Variants in NDE1 observed in about 807,000 individuals in gnomAD.
The protein encoded by NDE1 is nudE neurodevelopment protein 1.
NDE1 carries 28 observed loss-of-function variants against 43.4 expected under a neutral mutation model. The observed-to-expected ratio is 0.65, with a 90% CI of 0.48 to 0.89. The LOEUF (loss-of-function observed/expected upper bound fraction) is 0.89, where lower values mean the gene tolerates loss of function less well. Ranked by LOEUF, NDE1 falls within the 40% of genes least tolerant of loss-of-function variation. NDE1 has a pLI of 0.00. For missense variants in NDE1, 441 were observed against 434.1 expected, an observed-to-expected ratio of 1.02 and a Z score of -0.14; for synonymous variants, 184 against 172.0, an observed-to-expected ratio of 1.07 and a Z score of -0.55.
At chr16:15,676,027 C>G (rs377121751) in intron 3 of NDE1, among the ~76,000 whole-genome samples, 6 of 152,142 alleles carry the variant, frequency 3.9e-5, no homozygotes, top group African/African-American at 1.4e-4. Flanking sequence ...GATGTTATTG[C>G]TGCAGCTGGC....
upstream of NDE1, among the ~76,000 whole-genome samples, chr16:15,648,090 CT>C (rs2151380925): frequency 6.6e-6 from 1 of 151,166 alleles, no homozygotes; most frequent in East Asian, 1.9e-4. Context: ...TATGGGTACA[CT>C]GTAGGTGTTT....
chr16:15,680,568 C>G (rs28673595), intron 4 of NDE1, among the ~76,000 whole-genome samples: 1 of 152,072 alleles, frequency 6.6e-6, no homozygotes, highest in Admixed American at 6.5e-5. Flanking sequence ...GAGTCTCGCT[C>G]TGTCTCCCAG....
upstream of NDE1, among the ~76,000 whole-genome samples, chr16:15,650,052 C>A (rs544558101): frequency 3.9e-5 from 6 of 152,270 alleles, no homozygotes; most frequent in East Asian, 1.2e-3. Context: ...GCCTCTCAAA[C>A]CCCCTCCGGC....
intron 1 of NDE1, among the ~76,000 whole-genome samples, chr16:15,664,181 G>A (rs778653368): frequency 3.3e-5 from 5 of 152,166 alleles, no homozygotes; most frequent in South Asian, 4.1e-4. Flanking sequence ...TCTTGGAGAC[G>A]TTTTATGTGG....
At chr16:15,723,980 T>C (rs986400343) in intron 8 of NDE1, among the ~76,000 whole-genome samples, 4 of 152,214 alleles carry the variant, frequency 2.6e-5, no homozygotes, top group Admixed American at 2.0e-4. Context: ...CCATCCTTAC[T>C]GTGACCTGGT....
At chr16:15,687,165 C>T (rs1567648475) in intron 4 of NDE1, 2 of 1,470,066 alleles carry the variant, frequency 1.4e-6, no homozygotes, top group Admixed American at 2.3e-5. Context: ...CAGCCTCGTG[C>T]ACCCCATGAG....
At chr16:15,718,137 C>G in intron 8 of NDE1, 1 of 967,046 alleles carries the variant, frequency 1.0e-6, no homozygotes. Flanking sequence ...ATTCTGAAGA[C>G]AGCAGCCTGG....
chr16:15,694,539 G>T (rs779963251), intron 7 of NDE1: 30 of 806,008 alleles, frequency 3.7e-5, no homozygotes, highest in Non-Finnish European at 4.5e-5. Flanking sequence ...TAGTAATGTG[G>T]GTATCGCTGT....
At chr16:15,709,928 G>C (rs1006760521) in intron 8 of NDE1, among the ~76,000 whole-genome samples, 1 of 152,154 alleles carries the variant, frequency 6.6e-6, no homozygotes, top group African/African-American at 2.4e-5. Context: ...TCTGGCTTTA[G>C]AGAGGGCTTG....
At chr16:15,720,624 C>T (rs1419108027) in intron 8 of NDE1, among the ~76,000 whole-genome samples, 3 of 151,450 alleles carry the variant, frequency 2.0e-5, no homozygotes, top group Non-Finnish European at 2.9e-5. Flanking sequence ...TGGTGGCATG[C>T]GCCTGTAATC....
At chr16:15,719,830 TC>T in intron 8 of NDE1, 2 of 1,435,400 alleles carry the variant, frequency 1.4e-6, no homozygotes, top group Non-Finnish European at 1.9e-6. Context: ...ACAAAGAAGT[TC>T]CCATTGCACG....
chr16:15,691,359 C>T (rs2038743871), intron 6 of NDE1, 36 bp downstream of exon 6: 2 of 1,606,290 alleles, frequency 1.2e-6, no homozygotes, highest in African/African-American at 1.3e-5. Context: ...TTTCTCGGTT[C>T]ACAAAGTGTT....
intron 3 of NDE1, among the ~76,000 whole-genome samples, chr16:15,671,640 A>G (rs774697930): frequency 6.6e-6 from 1 of 152,144 alleles, no homozygotes; most frequent in Non-Finnish European, 1.5e-5. Flanking sequence ...ATTTGTTAAC[A>G]GCTGAACACC....
intron 8 of NDE1, chr16:15,714,011 G>C (rs1179013178): frequency 6.6e-6 from 1 of 152,360 alleles, no homozygotes; most frequent in Non-Finnish European, 1.5e-5. Flanking sequence ...AGGGCTCCTA[G>C]GAGTACTGGT....
chr16:15,697,810 T>A (rs1184123180), intron 8 of NDE1, among the ~76,000 whole-genome samples: 1 of 152,006 alleles, frequency 6.6e-6, no homozygotes, highest in East Asian at 1.9e-4. Context: ...TTTTTTTGTT[T>A]TGTTTTGTTT....
At chr16:15,720,496 C>T (rs768881344) in intron 8 of NDE1, among the ~76,000 whole-genome samples, 1 of 151,852 alleles carries the variant, frequency 6.6e-6, no homozygotes, top group Non-Finnish European at 1.5e-5. Context: ...TCTGTAATCC[C>T]AGCACTTTGG....
chr16:15,716,082 C>CA (rs1209305333), intron 8 of NDE1, among the ~76,000 whole-genome samples: 1 of 152,088 alleles, frequency 6.6e-6, no homozygotes, highest in Admixed American at 6.6e-5. Context: ...GCCTGGGAAA[C>CA]AGAGTGAGAC....
At chr16:15,708,877 A>G (rs999714152) in intron 8 of NDE1, 2 of 1,601,876 alleles carry the variant, frequency 1.2e-6, no homozygotes, top group Middle Eastern at 1.7e-4. Flanking sequence ...GGTTACCATC[A>G]GCAAACAAGA....
intron 4 of NDE1, among the ~76,000 whole-genome samples, chr16:15,685,947 T>G (rs1287263959): frequency 6.6e-6 from 1 of 151,456 alleles, no homozygotes; most frequent in Non-Finnish European, 1.5e-5. Flanking sequence ...GTGTGCTTCC[T>G]GTAGGATTTT....
Sources: gnomAD v4.1 joint callset for allele counts (sites outside exome capture counted in the v4.1 genomes callset) on GRCh38, gnomAD v4.1.1 for gene constraint, MANE v1.5 for transcripts, NCBI Gene and HGNC (gene_info 2026-07-23, HGNC 2026-07-21) for gene names.